PKHD1L1: variants seen among roughly 807,000 people sequenced by gnomAD.
PKHD1L1 encodes PKHD1 like 1.
In PKHD1L1, 434 loss-of-function variants were observed where a neutral mutation model predicts 462.9. The observed-to-expected ratio is 0.94, with a 90% CI of 0.87 to 1.02. The LOEUF is 1.02. PKHD1L1 is among the 50% of genes least tolerant of loss of function. PKHD1L1 has a pLI of 0.00. For synonymous variants in PKHD1L1, 1,781 were observed against 1,750.0 expected (o/e 1.02, Z -0.44); for missense variants, 5,202 against 5,096.1 (o/e 1.02, Z -0.63).
chr8:109,428,259 G>A (rs1379137579), intron 25 of PKHD1L1, among the ~76,000 whole-genome samples: 1 of 152,118 alleles, frequency 6.6e-6, no homozygotes, highest in African/African-American at 2.4e-5. Context: ...GGTAGTCACT[G>A]CAGCATTATT....
At position 109,515,328 on chromosome 8, in the gene PKHD1L1, G is replaced by A. The variant is rs753172837; in HGVS notation, c.11689+23G>A. 2.7e-6 allele frequency: 4 copies of A among 1,457,640 alleles called. No homozygotes were observed. The South Asian group carries it at 5.7e-5, about 21-fold the overall frequency. 90.3% of individuals were successfully genotyped at this position (1,457,640 alleles called of 1,614,324 possible). A position where few individuals can be genotyped will look rare whatever the true frequency, so the allele number is the denominator to read the frequency against. On this transcript the variant is annotated intron_variant, in intron 72 of 77. Coordinates refer to ENST00000378402, the MANE Select transcript of PKHD1L1 (RefSeq NM_177531.6). ...AAGGTATTGTCTCAGAAAAAATACA[G>A]TACACATGGAAAATGTACTTATTTA...
intron 2 of PKHD1L1, among the ~76,000 whole-genome samples, chr8:109,366,522 T>A (rs186792392): frequency 1.3e-5 from 2 of 152,320 alleles, no homozygotes; most frequent in Non-Finnish European, 2.9e-5. Context: ...CCTAGAGATC[T>A]ACTGTACAGC....
chr8:109,424,326 C>A (rs924871014), intron 23 of PKHD1L1, among the ~76,000 whole-genome samples: 2 of 152,240 alleles, frequency 1.3e-5, no homozygotes, highest in African/African-American at 4.8e-5. Context: ...TATAAATATA[C>A]CATAATTTAT....
At position 109,456,307 on chromosome 8, in the gene PKHD1L1, A is replaced by G; in HGVS notation, c.6920A>G (p.Lys2307Arg). The G allele has an allele frequency of 6.2e-7, 1 of 1,612,784 alleles. No individual in the cohort carries two copies. Among genetic ancestry groups the G allele is most frequent in the Non-Finnish European group, 8.5e-7 (1 of 1,179,294 alleles). ...VTWTRLAHTA[K>R]AGERILILQE... ...TGGACTCGCTTGGCTCATACTGCAAAGGCAGGGGAAAGAATTTTAATTTTA... is the reference window on the plus strand; with the variant it reads ...TGGACTCGCTTGGCTCATACTGCAAGGGCAGGGGAAAGAATTTTAATTTTA... Residue 2307 changes from lysine to arginine, a missense_variant, in exon 46 of 78, where the codon AAG (lysine) becomes AGG (arginine). Physicochemically the swap from Lys to Arg is conservative, Grantham distance 26. Transcript: ENST00000378402.
At chr8:109,472,481 G>T (rs1817771464) in intron 50 of PKHD1L1, among the ~76,000 whole-genome samples, 2 of 152,034 alleles carry the variant, frequency 1.3e-5, no homozygotes, top group Non-Finnish European at 2.9e-5. Context: ...ACGTTTCTCT[G>T]CACCCTTTCA....
intron 76 of PKHD1L1, 78 bp downstream of exon 76, chr8:109,523,464 AT>A: frequency 8.1e-6 from 11 of 1,350,082 alleles, no homozygotes; most frequent in Non-Finnish European, 1.1e-5. Flanking sequence ...TGAACAAAGC[AT>A]TCTGTAACAC....
At position 109,448,409 on chromosome 8, in the gene PKHD1L1, A is replaced by G; in HGVS notation, c.6025+18A>G. 1 of 1,580,530 alleles carries G rather than the reference A, an allele frequency of 6.3e-7. No individual in the cohort carries two copies. Among genetic ancestry groups the G allele is most frequent in the Non-Finnish European group, 8.6e-7 (1 of 1,162,018 alleles). ...AAGCCAAGGTAGTCATAAGTATGCA[A>G]GAACCTGCAGATATTTTGTTTCAGT... On this transcript the variant is annotated intron_variant, in intron 39 of 77. Coordinates refer to ENST00000378402, the MANE Select transcript of PKHD1L1 (RefSeq NM_177531.6).
chr8:109,381,210 C>T (rs746917264), intron 2 of PKHD1L1, among the ~76,000 whole-genome samples, 160 bp from the exon 3 acceptor site: 1 of 152,032 alleles, frequency 6.6e-6, no homozygotes, highest in African/African-American at 2.4e-5. Flanking sequence ...TTTTGTGCTT[C>T]CAAAGAAGAT....
At chr8:109,513,967 G>C (rs888491323) in intron 71 of PKHD1L1, among the ~76,000 whole-genome samples, 3 of 151,858 alleles carry the variant, frequency 2.0e-5, no homozygotes, top group Non-Finnish European at 4.4e-5. Flanking sequence ...GTCAGATCAC[G>C]TCTCTCCCAT....
intron 56 of PKHD1L1, among the ~76,000 whole-genome samples, chr8:109,482,659 G>A (rs1266055582): frequency 8.1e-6 from 1 of 122,872 alleles, no homozygotes. Flanking sequence ...TTATTTTACA[G>A]TATTAGTAAA....
At position 109,483,107 on chromosome 8, in the gene PKHD1L1, T is replaced by C. The variant is rs748177309; in HGVS notation, c.9576+2T>C. The C allele has an allele frequency of 3.8e-5, 60 of 1,562,158 alleles. 1 individual carries two copies. In the South Asian group the frequency reaches 6.1e-4, roughly 16 times the overall value. ...CTGATGGATGCTGTGGATTGGCAGG[T>C]AGACAAAATAATTATGTAATGGAAA... On this transcript the variant is annotated splice_donor_variant, in intron 57 of 77. Transcript: ENST00000378402. LOFTEE classifies it high-confidence loss of function.
intron 60 of PKHD1L1, among the ~76,000 whole-genome samples, 173 bp downstream of exon 60, chr8:109,490,228 C>T (rs1818761569): frequency 6.6e-6 from 1 of 151,668 alleles, no homozygotes; most frequent in Non-Finnish European, 1.5e-5. Flanking sequence ...TTATTCCACC[C>T]ATATTGTGCG....
intron 3 of PKHD1L1, 29 bp from the exon 4 acceptor site, chr8:109,382,434 G>A: frequency 1.3e-6 from 2 of 1,537,770 alleles, no homozygotes; most frequent in Non-Finnish European, 1.8e-6. Context: ...GGAATTGCAT[G>A]TCTCATATAT....
intron 19 of PKHD1L1, among the ~76,000 whole-genome samples, chr8:109,411,245 G>A (rs1001120639): frequency 2.0e-5 from 3 of 152,052 alleles, no homozygotes; most frequent in African/African-American, 7.2e-5. Context: ...GAAGAAAATT[G>A]AATATGTGCT....
chr8:109,521,883 G>A (rs1820568366), intron 73 of PKHD1L1, among the ~76,000 whole-genome samples: 1 of 152,056 alleles, frequency 6.6e-6, no homozygotes, highest in African/African-American at 2.4e-5. Flanking sequence ...ACAAAGATTG[G>A]TAGGAGAAAG....
intron 70 of PKHD1L1, among the ~76,000 whole-genome samples, chr8:109,510,033 A>G (rs1033590551): frequency 6.6e-6 from 1 of 152,120 alleles, no homozygotes; most frequent in African/African-American, 2.4e-5. Flanking sequence ...AAAAGCATTC[A>G]CTATCTCTTG....
At position 109,485,151 on chromosome 8, in the gene PKHD1L1, T is replaced by C; in HGVS notation, c.9684T>C (p.Asp3228=). ...ATCATAAAATTCTCATTCTTAATGA[T>C]AGCCTTTCCTATACTCACTTTGGTA... The part of the protein sequence containing the change: ...LHDHKILILN[D]SLSYTHFAEK... The change falls in exon 58 of 78, where the codon GAT becomes GAC. Residue 3228 remains aspartate (D), a synonymous_variant. Transcript: ENST00000378402. 1 of 1,590,096 alleles carries C rather than the reference T, an allele frequency of 6.3e-7. No individual in the cohort carries two copies. The highest frequency in any genetic ancestry group is 1.2e-5 in the South Asian group (1 of 86,116).
Position 109,449,416 on chromosome 8 carries a change from G to C in PKHD1L1, c.6104G>C (p.Gly2035Ala). The C allele has an allele frequency of 6.3e-7, 1 of 1,594,778 alleles. No homozygotes were observed. The highest frequency in any genetic ancestry group is 8.6e-7 in the Non-Finnish European group (1 of 1,169,348). ...CAAAATTCAATTATATTAGTTTGTGGCTCAGAATGTGCAATTGACAGGCTT... is the reference window on the plus strand; with the variant it reads ...CAAAATTCAATTATATTAGTTTGTGCCTCAGAATGTGCAATTGACAGGCTT... ...NPQNSIILVC[G>A]SECAIDRLRS... The change falls in exon 40 of 78, where the codon GGC (glycine) becomes GCC (alanine). Residue 2035 changes from glycine (G) to alanine (A), a missense_variant. Gly to Ala is a moderately conservative substitution (Grantham distance 60). Coordinates refer to ENST00000378402, the MANE Select transcript of PKHD1L1 (RefSeq NM_177531.6).
rs1563546339 is a variant in PKHD1L1 at position 109,442,080 on chromosome 8, G to T, written c.4278G>T (p.Trp1426Cys). 2 of 1,613,418 alleles carry T rather than the reference G, an allele frequency of 1.2e-6. No homozygotes were observed. The highest frequency in any genetic ancestry group is 1.7e-6 in the Non-Finnish European group (2 of 1,179,576). The change falls in exon 35 of 78, where the codon TGG (tryptophan) becomes TGT (cysteine). Residue 1426 changes from tryptophan to cysteine, a missense_variant. Physicochemically the swap from Trp to Cys is radical, Grantham distance 215 (BLOSUM62 -2). Around this residue, in one of 3 missense-constraint regions of PKHD1L1, gnomAD observed 4,497 missense variants for 4,336.8 expected, o/e 1.04. Coordinates refer to ENST00000378402, the MANE Select transcript of PKHD1L1 (RefSeq NM_177531.6). ...TGGGGGACACAGTGGCATGGCATTGGCAAACACATCCGTTTCTTAGAGGGA... is the reference window on the plus strand; with the variant it reads ...TGGGGGACACAGTGGCATGGCATTGTCAAACACATCCGTTTCTTAGAGGGA... ...VSVGDTVAWHWQTHPFLRGIG... is the reference protein window; with the variant it reads ...VSVGDTVAWHCQTHPFLRGIG...
Sources: allele counts gnomAD v4.1 joint callset (sites outside exome capture counted in the v4.1 genomes callset), GRCh38; gene constraint gnomAD v4.1.1; regional missense constraint gnomAD v4.1.1; transcripts MANE v1.5; gene names NCBI Gene and HGNC (gene_info 2026-07-23, HGNC 2026-07-21).